The following CFAP221 variants were observed in gnomAD, a reference collection of about 807,000 sequenced individuals.
The protein encoded by CFAP221 is cilia and flagella associated protein 221.
CFAP221 carries 97 observed loss-of-function variants against 113.1 expected under a neutral mutation model. That is an observed-to-expected ratio of 0.86 (90% confidence interval 0.73 to 1.02). The LOEUF (loss-of-function observed/expected upper bound fraction) is 1.02. Among genes scored for constraint, CFAP221 ranks in the 50% least tolerant of loss-of-function variants. The probability of loss-of-function intolerance (pLI) is 0.00; values close to 1 mark genes in which losing one functional copy is unlikely to be tolerated. For missense variants in CFAP221, 1,025 were observed against 1,013.4 expected (o/e 1.01, Z -0.16); for synonymous variants, 331 against 354.4 (o/e 0.93, Z 0.74).
intron 7 of CFAP221, among the ~76,000 whole-genome samples, chr2:119,598,665 G>A (rs939625746): frequency 6.6e-6 from 1 of 152,160 alleles, no homozygotes; most frequent in Non-Finnish European, 1.5e-5. Context: ...GTTAGTTTTG[G>A]CTGAGCAGTA....
At chr2:119,623,690 A>G (rs1007730172) in intron 14 of CFAP221, among the ~76,000 whole-genome samples, 15 of 152,344 alleles carry the variant, frequency 9.8e-5, no homozygotes, top group African/African-American at 3.4e-4. Context: ...ATGGAACAGA[A>G]CAGAAGCCTC....
Position 119,630,582 on chromosome 2 carries a change from T to A in CFAP221, c.1744T>A (p.Tyr582Asn). ...CTTTCACCTTCAGGTTCCTCAACTG[T>A]ACAAAATTAAGAGATATCAGCCATT... ...SFFNLQVPQL[Y>N]KIKRYQPFSV... The change falls in exon 18 of 24, where the codon TAC becomes AAC. Residue 582 changes from tyrosine to asparagine, a missense_variant. Tyr to Asn is a moderately radical substitution (Grantham distance 143, BLOSUM62 -2). Transcript: ENST00000413369. 2.4e-5 allele frequency: 39 copies of A among 1,610,544 alleles called. No individual in the cohort carries two copies. The highest frequency in any genetic ancestry group is 3.3e-5 in the Non-Finnish European group (39 of 1,176,718).
chr2:119,630,922 G>A (rs1051139476), intron 19 of CFAP221, 21 bp downstream of exon 19: 2 of 1,608,400 alleles, frequency 1.2e-6, no homozygotes, highest in Non-Finnish European at 1.7e-6. Flanking sequence ...ACTGGCAGAA[G>A]CCTTGTTTTC....
At chr2:119,591,079 A>G (rs921748399) in intron 7 of CFAP221, among the ~76,000 whole-genome samples, 1 of 152,180 alleles carries the variant, frequency 6.6e-6, no homozygotes, top group Non-Finnish European at 1.5e-5. Context: ...CCAAGAAGTG[A>G]TGGAAATTAG....
chr2:119,649,742 G>A (rs1688012383), intron 22 of CFAP221, among the ~76,000 whole-genome samples: 1 of 152,152 alleles, frequency 6.6e-6, no homozygotes, highest in Non-Finnish European at 1.5e-5. Context: ...AGAACTTTCT[G>A]TTCTGAGAGG....
intron 6 of CFAP221, among the ~76,000 whole-genome samples, chr2:119,583,875 TG>T (rs2104606849): frequency 6.6e-6 from 1 of 152,300 alleles, no homozygotes; most frequent in South Asian, 2.1e-4. Flanking sequence ...AACCAGGAAG[TG>T]GGCCTGCACC....
chr2:119,596,958 C>T (rs1041512374), intron 7 of CFAP221, among the ~76,000 whole-genome samples: 5 of 152,222 alleles, frequency 3.3e-5, no homozygotes, highest in Admixed American at 6.5e-5. Context: ...TGCTTTGGGA[C>T]GCTCATCCCA....
chr2:119,625,545 G>C (rs1237002006), intron 14 of CFAP221, 38 bp from the exon 15 acceptor site: 15 of 1,540,696 alleles, frequency 9.7e-6, no homozygotes, highest in Non-Finnish European at 1.3e-5. Context: ...AGCGTGTGTT[G>C]ATTAATAATT....
intron 8 of CFAP221, among the ~76,000 whole-genome samples, chr2:119,603,467 G>C (rs1301470036): frequency 6.6e-6 from 1 of 152,170 alleles, no homozygotes; most frequent in Non-Finnish European, 1.5e-5. Context: ...GGGTTGTAAG[G>C]ATGCTCTTAC....
In CFAP221 at chr2:119,627,668, A is replaced by G. The variant is rs754439796; in HGVS notation, c.1532A>G (p.Lys511Arg). Residue 511 changes from lysine to arginine, a missense_variant, in exon 16 of 24, where the codon AAA becomes AGA. Physicochemically the swap from Lys to Arg is conservative, Grantham distance 26 (BLOSUM62 2). Coordinates refer to ENST00000413369, the MANE Select transcript of CFAP221 (RefSeq NM_001271049.2). ...QSIAQEANFF[K>R]FFLRRISQDD... ...TCACCCATAGAGGCGAATTTCTTCA[A>G]ATTCTTCCTGAGGCGGATCAGTCAG... 1.3e-5 allele frequency: 21 copies of G among 1,613,400 alleles called. No individual in the cohort carries two copies. The African/African-American group carries it at 2.3e-4, about 17-fold the overall frequency.
intron 6 of CFAP221, among the ~76,000 whole-genome samples, chr2:119,576,669 G>C (rs1172967524): frequency 1.3e-5 from 2 of 152,046 alleles, no homozygotes; most frequent in African/African-American, 2.4e-5. Flanking sequence ...CTGGTCTGAG[G>C]CTCCAATCCC....
At chr2:119,586,414 G>A (rs1193555338) in intron 6 of CFAP221, among the ~76,000 whole-genome samples, 1 of 152,170 alleles carries the variant, frequency 6.6e-6, no homozygotes, top group Non-Finnish European at 1.5e-5. Context: ...TCCAAGAAAT[G>A]CCACTGCTGC....
At chr2:119,604,511 A>G (rs1481126647) in intron 8 of CFAP221, among the ~76,000 whole-genome samples, 161 bp from the exon 9 acceptor site, 1 of 152,150 alleles carries the variant, frequency 6.6e-6, no homozygotes, top group Non-Finnish European at 1.5e-5. Context: ...ATGCACTGAC[A>G]TCACATTTAT....
chr2:119,652,690 A>T (rs996334900), intron 23 of CFAP221, among the ~76,000 whole-genome samples: 2 of 152,180 alleles, frequency 1.3e-5, no homozygotes, highest in African/African-American at 4.8e-5. Context: ...GTTCCTCCTC[A>T]TTGTAATGAA....
At chr2:119,619,675 C>T (rs1381947147) in intron 14 of CFAP221, among the ~76,000 whole-genome samples, 2 of 152,084 alleles carry the variant, frequency 1.3e-5, no homozygotes, top group African/African-American at 4.8e-5. Flanking sequence ...ACCAGAATAC[C>T]TCCTCTCCTC....
At chr2:119,622,903 G>A (rs869301538) in intron 14 of CFAP221, among the ~76,000 whole-genome samples, 2 of 152,110 alleles carry the variant, frequency 1.3e-5, no homozygotes, top group African/African-American at 4.8e-5. Context: ...CAAACCCACA[G>A]CCAATATCAT....
At chr2:119,646,544 T>G (rs1687820540) in intron 21 of CFAP221, among the ~76,000 whole-genome samples, 1 of 152,138 alleles carries the variant, frequency 6.6e-6, no homozygotes, top group Non-Finnish European at 1.5e-5. Flanking sequence ...AACCCATTCC[T>G]GAGAACTCCA....
rs187730952 is a variant in CFAP221 at position 119,576,941 on chromosome 2, C to A, written c.528-10178C>A. Among the ~76,000 whole-genome samples, 53 of 152,354 alleles carry A rather than the reference C, an allele frequency of 3.5e-4. No individual in the cohort carries two copies. In the East Asian group the frequency reaches 0.01, roughly 29 times the overall value. On this transcript the variant is annotated intron_variant, in intron 6 of 23. Coordinates refer to ENST00000413369, the MANE Select transcript of CFAP221 (RefSeq NM_001271049.2). ...ATATCTAAAGCTTAAATGAAAATAA[C>A]TGGCGAGTTCCCTGACTTTCTTCCT...
At position 119,559,936 on chromosome 2, in the gene CFAP221, C is replaced by A. The variant is rs1422423844; in HGVS notation, c.336C>A (p.His112Gln). The change falls in exon 5 of 24, where the codon CAC (histidine) becomes CAA (glutamine). Residue 112 changes from histidine to glutamine, a missense_variant. By Grantham distance (24) the His-to-Gln change is conservative (BLOSUM62 0). Coordinates refer to ENST00000413369, the MANE Select transcript of CFAP221 (RefSeq NM_001271049.2). ...TGCCACCTGTCTTCCAGGAACACCA[C>A]CTGGTCCCTGGCTTGTCCCTCACGG... ...FEINYVRKEHHLVPGLSLTVT... is the reference protein window; with the variant it reads ...FEINYVRKEHQLVPGLSLTVT... The A allele has an allele frequency of 6.5e-7, 1 of 1,535,440 alleles. No individual in the cohort carries two copies. Among genetic ancestry groups the A allele is most frequent in the African/African-American group, 1.4e-5 (1 of 72,982 alleles).
Sources: gnomAD v4.1 joint callset for allele counts (sites outside exome capture counted in the v4.1 genomes callset) on GRCh38, gnomAD v4.1.1 for gene constraint, MANE v1.5 for transcripts, NCBI Gene and HGNC (gene_info 2026-07-23, HGNC 2026-07-21) for gene names.